FER: variants seen among roughly 807,000 people sequenced by gnomAD.
The protein encoded by FER is tyrosine-protein kinase Fer.
A neutral mutation model predicts 111.0 loss-of-function variants in FER; 63 were observed. The ratio of observed to expected loss-of-function variants is 0.57; its 90% CI spans 0.46 to 0.70. FER has a LOEUF of 0.70. FER is among the 30% of genes least tolerant of loss of function. The pLI, the probability that FER is intolerant of heterozygous loss-of-function variation, is 0.00. For synonymous variants in FER, 327 were observed against 313.9 expected (o/e 1.04, Z -0.44); for missense variants, 914 against 954.0 (o/e 0.96, Z 0.55).
intron 10 of FER, among the ~76,000 whole-genome samples, chr5:108,919,713 G>A (rs1035457870): frequency 6.6e-6 from 1 of 152,152 alleles, no homozygotes; most frequent in Non-Finnish European, 1.5e-5. Context: ...CAGAATCGGT[G>A]TGGCAGATTC....
At chr5:108,960,062 T>C (rs7734437) in intron 13 of FER, among the ~76,000 whole-genome samples, 7,052 of 152,164 alleles carry the variant, frequency 0.046, 265 homozygotes, top group South Asian at 0.11. Flanking sequence ...GCAAGAGCTC[T>C]TTCCTTTCAG....
At chr5:109,183,302 G>C (rs918190716) in intron 18 of FER, among the ~76,000 whole-genome samples, 1 of 146,880 alleles carries the variant, frequency 6.8e-6, no homozygotes, top group Non-Finnish European at 1.5e-5. Flanking sequence ...AGGCTGGAGC[G>C]CAGCAGCGCG....
chr5:109,108,096 C>G (rs949603441), intron 17 of FER, among the ~76,000 whole-genome samples: 2 of 152,120 alleles, frequency 1.3e-5, no homozygotes, highest in African/African-American at 2.4e-5. Flanking sequence ...TAAAAGGCTT[C>G]AAAAGATGGC....
chr5:108,819,176 C>T (rs1394873470), intron 3 of FER, among the ~76,000 whole-genome samples: 1 of 138,274 alleles, frequency 7.2e-6, no homozygotes, highest in East Asian at 2.0e-4. Flanking sequence ...CCACCATGCT[C>T]AGCTTTTTTT....
chr5:108,784,621 G>T (rs62361343), intron 2 of FER: 36,430 of 152,122 alleles, frequency 0.24, 4,647 homozygotes, highest in African/African-American at 0.32. Context: ...TCAGAGCTGA[G>T]AGCCCCAAAC....
At chr5:109,010,242 C>A (rs1358288279) in intron 13 of FER, among the ~76,000 whole-genome samples, 2 of 152,172 alleles carry the variant, frequency 1.3e-5, no homozygotes, top group Admixed American at 1.3e-4. Flanking sequence ...ACTGCAAGCT[C>A]CGCCTCCTGG....
intron 13 of FER, among the ~76,000 whole-genome samples, chr5:109,031,478 A>G (rs1012568015): frequency 1.3e-5 from 2 of 152,164 alleles, no homozygotes; most frequent in Non-Finnish European, 2.9e-5. Context: ...AGTAGAACAA[A>G]TGCTCACATT....
chr5:109,068,744 A>G (rs941596715), intron 16 of FER, among the ~76,000 whole-genome samples: 2 of 152,210 alleles, frequency 1.3e-5, no homozygotes, highest in African/African-American at 4.8e-5. Flanking sequence ...CAAAGGGTTA[A>G]ATGAAATAAT....
intron 1 of FER, among the ~76,000 whole-genome samples, chr5:108,750,330 G>C (rs554385360): frequency 3.3e-5 from 5 of 152,190 alleles, no homozygotes; most frequent in African/African-American, 1.2e-4. Context: ...ATATATACCT[G>C]TGTTGCCCTT....
At chr5:109,005,958 T>C (rs898718684) in intron 13 of FER, among the ~76,000 whole-genome samples, 1 of 152,220 alleles carries the variant, frequency 6.6e-6, no homozygotes, top group African/African-American at 2.4e-5. Flanking sequence ...ATTAATTGAA[T>C]GAAAAGGAAT....
intron 11 of FER, among the ~76,000 whole-genome samples, chr5:108,952,380 T>C (rs1757879682): frequency 6.6e-6 from 1 of 152,066 alleles, no homozygotes; most frequent in African/African-American, 2.4e-5. Context: ...GAAATCATAT[T>C]GATAAAAATA....
At chr5:108,750,906 T>C (rs1046278219) in intron 1 of FER, among the ~76,000 whole-genome samples, 1 of 152,146 alleles carries the variant, frequency 6.6e-6, no homozygotes, top group Non-Finnish European at 1.5e-5. Context: ...AAAACCAGCG[T>C]ATGTGGCCGG....
intron 5 of FER, among the ~76,000 whole-genome samples, chr5:108,861,327 A>G (rs1037603351): frequency 1.3e-5 from 2 of 152,170 alleles, no homozygotes; most frequent in African/African-American, 4.8e-5. Context: ...TTCTCTTGTA[A>G]ATGTCAAACT....
At chr5:108,901,730 C>T (rs1187559617) in intron 10 of FER, among the ~76,000 whole-genome samples, 1 of 152,108 alleles carries the variant, frequency 6.6e-6, no homozygotes. Context: ...GGTGGATTTA[C>T]TGCCTGAGTT....
At chr5:108,946,772 CA>C (rs1757039934) in intron 11 of FER, among the ~76,000 whole-genome samples, 1 of 149,060 alleles carries the variant, frequency 6.7e-6, no homozygotes, top group Non-Finnish European at 1.5e-5. Flanking sequence ...TACACATGAA[CA>C]AACACACAGA....
intron 13 of FER, among the ~76,000 whole-genome samples, chr5:109,004,015 T>TG (rs1765176460): frequency 6.6e-6 from 1 of 151,922 alleles, no homozygotes; most frequent in African/African-American, 2.4e-5. Flanking sequence ...AATTGTACAA[T>TG]CTTTTTTTTT....
chr5:108,942,348 A>C (rs920248954), intron 10 of FER, among the ~76,000 whole-genome samples: 1 of 152,184 alleles, frequency 6.6e-6, no homozygotes, highest in Non-Finnish European at 1.5e-5. Flanking sequence ...TTTTAAAACA[A>C]GATCTTAATA....
intron 13 of FER, among the ~76,000 whole-genome samples, chr5:108,978,895 T>C (rs1181792954): frequency 6.6e-6 from 1 of 152,156 alleles, no homozygotes; most frequent in African/African-American, 2.4e-5. Context: ...CCAATGAAAC[T>C]AAAAAATATT....
intron 13 of FER, among the ~76,000 whole-genome samples, chr5:109,017,764 C>T (rs921255857): frequency 1.3e-5 from 2 of 151,670 alleles, no homozygotes; most frequent in Admixed American, 1.3e-4. Context: ...AGACCAAATC[C>T]AACAACTCAG....
Sources: allele counts gnomAD v4.1 joint callset (sites outside exome capture counted in the v4.1 genomes callset), GRCh38; gene constraint gnomAD v4.1.1; transcripts MANE v1.5; gene names NCBI Gene and HGNC (gene_info 2026-07-23, HGNC 2026-07-21).